NBAS: variants seen among roughly 807,000 people sequenced by gnomAD.
The protein encoded by NBAS is NBAS subunit of NRZ tethering complex, also known as NAG/BC035112 fusion.
Under a neutral mutation model 302.5 loss-of-function variants are expected in NBAS, and 219 were observed. The ratio of observed to expected loss-of-function variants is 0.72; its 90% CI spans 0.65 to 0.81. NBAS has a LOEUF of 0.81. Among genes scored for constraint, NBAS ranks in the 30% least tolerant of loss-of-function variants. The pLI, the probability that NBAS is intolerant of heterozygous loss-of-function variation, is 0.00. For missense variants in NBAS, 2,932 were observed against 2,841.6 expected (o/e 1.03, Z -0.72); for synonymous variants, 1,118 against 1,021.6 (o/e 1.09, Z -1.80).
chr2:15,339,785 T>C (rs1251780581), intron 35 of NBAS, among the ~76,000 whole-genome samples: 1 of 151,996 alleles, frequency 6.6e-6, no homozygotes, highest in African/African-American at 2.4e-5. Flanking sequence ...GAAGTGACAT[T>C]TGAGCAGACA....
intron 44 of NBAS, among the ~76,000 whole-genome samples, chr2:15,271,597 G>C (rs991307560): frequency 5.9e-5 from 9 of 152,150 alleles, no homozygotes; most frequent in African/African-American, 2.2e-4. Context: ...TTTAAAGAAG[G>C]ATCCTGGCAA....
chr2:15,508,043 G>A (rs1052104356), intron 10 of NBAS, among the ~76,000 whole-genome samples: 5 of 152,224 alleles, frequency 3.3e-5, no homozygotes, highest in African/African-American at 1.2e-4. Flanking sequence ...CCTGACAAAA[G>A]GAACTAATCC....
At chr2:14,788,847 C>A in the NBAS span, among the ~76,000 whole-genome samples, 1 of 152,226 alleles carries the variant, frequency 6.6e-6, no homozygotes, top group Non-Finnish European at 1.5e-5. Flanking sequence ...GGGAGAACCA[C>A]TGCTCTCTTC....
chr2:15,200,671 T>C (rs572238733), intron 48 of NBAS, among the ~76,000 whole-genome samples: 1 of 152,360 alleles, frequency 6.6e-6, no homozygotes, highest in Non-Finnish European at 1.5e-5. Flanking sequence ...TTCCCTTTTG[T>C]CTCTGAAAGC....
chr2:15,056,992 C>A, the NBAS span, among the ~76,000 whole-genome samples: 2 of 151,964 alleles, frequency 1.3e-5, no homozygotes, highest in Non-Finnish European at 2.9e-5. Flanking sequence ...CCACGCCCGG[C>A]TAATTTTTTA....
At chr2:15,178,959 A>C (rs771887744) in intron 51 of NBAS, 29 bp downstream of exon 51, 6 of 1,598,908 alleles carry the variant, frequency 3.8e-6, no homozygotes, top group South Asian at 1.1e-5. Context: ...AAAAAAAAAA[A>C]GAAAGAAAGT....
At chr2:14,884,074 G>T in the NBAS span, among the ~76,000 whole-genome samples, 35,388 of 152,050 alleles carry the variant, frequency 0.23, 4,690 homozygotes, top group Non-Finnish European at 0.3. Flanking sequence ...AGTGGTTACT[G>T]GGGGGACTCT....
the NBAS span, among the ~76,000 whole-genome samples, chr2:14,888,663 C>A: frequency 6.6e-6 from 1 of 151,950 alleles, no homozygotes; most frequent in African/African-American, 2.4e-5. Flanking sequence ...TTTCTTTATG[C>A]AGAAAGGGGT....
At chr2:15,330,463 A>G (rs922782724) in intron 36 of NBAS, 135 bp downstream of exon 36, 3 of 1,117,776 alleles carry the variant, frequency 2.7e-6, no homozygotes, top group African/African-American at 3.1e-5. Flanking sequence ...ATCTGATGAG[A>G]GGCCTACATT....
At chr2:15,113,261 T>A in the NBAS span, among the ~76,000 whole-genome samples, 1 of 151,124 alleles carries the variant, frequency 6.6e-6, no homozygotes, top group Non-Finnish European at 1.5e-5. Flanking sequence ...ATAAATATGG[T>A]TACATAAGCA....
At chr2:14,937,338 A>T in the NBAS span, among the ~76,000 whole-genome samples, 31 of 152,342 alleles carry the variant, frequency 2.0e-4, no homozygotes, top group Non-Finnish European at 8.8e-5. Context: ...GAGTCCTGTG[A>T]GACAGAACAA....
chr2:14,891,793 C>T, the NBAS span, among the ~76,000 whole-genome samples: 2 of 152,172 alleles, frequency 1.3e-5, no homozygotes, highest in East Asian at 1.9e-4. Flanking sequence ...GACACTACAG[C>T]GCATGCCTTC....
At chr2:15,310,063 AATG>A (rs1415362112) in intron 38 of NBAS, among the ~76,000 whole-genome samples, 7 of 152,242 alleles carry the variant, frequency 4.6e-5, no homozygotes, top group Non-Finnish European at 1.0e-4. Context: ...ATTCAACGGA[AATG>A]ATATTTGACT....
chr2:14,862,619 A>G, the NBAS span, among the ~76,000 whole-genome samples: 1 of 152,210 alleles, frequency 6.6e-6, no homozygotes, highest in Non-Finnish European at 1.5e-5. Context: ...ACTAAATTTC[A>G]AGGTTGCTTT....
chr2:15,555,052 A>G (rs2148714887), intron 3 of NBAS, among the ~76,000 whole-genome samples: 1 of 152,286 alleles, frequency 6.6e-6, no homozygotes, highest in South Asian at 2.1e-4. Flanking sequence ...AAATAGAAAA[A>G]AAATAAATTA....
chr2:15,204,444 G>A (rs978534171), intron 48 of NBAS, among the ~76,000 whole-genome samples: 8 of 152,092 alleles, frequency 5.3e-5, no homozygotes, highest in Non-Finnish European at 7.4e-5. Flanking sequence ...TTGACAGAGA[G>A]AGGAGTTTAC....
At chr2:15,040,024 C>G in the NBAS span, among the ~76,000 whole-genome samples, 1 of 152,194 alleles carries the variant, frequency 6.6e-6, no homozygotes, top group Non-Finnish European at 1.5e-5. Context: ...AATGACAGCT[C>G]AGCAGAGAGA....
the NBAS span, among the ~76,000 whole-genome samples, chr2:14,808,941 G>A: frequency 2.4e-3 from 369 of 151,874 alleles, no homozygotes; most frequent in African/African-American, 8.2e-3. Flanking sequence ...GACTTTTCTT[G>A]TGTTTTAGCA....
the NBAS span, among the ~76,000 whole-genome samples, chr2:14,944,914 T>C: frequency 2.0e-5 from 3 of 152,168 alleles, no homozygotes; most frequent in African/African-American, 4.8e-5. Context: ...TTGGGTGTCC[T>C]GGCAGGACAC....
Sources: allele counts gnomAD v4.1 joint callset (sites outside exome capture counted in the v4.1 genomes callset), GRCh38; gene constraint gnomAD v4.1.1; transcripts MANE v1.5; gene names NCBI Gene and HGNC (gene_info 2026-07-23, HGNC 2026-07-21).